CTNNA3: variants seen among roughly 807,000 people sequenced by gnomAD.
The protein encoded by CTNNA3 is catenin alpha 3.
CTNNA3 carries 76 observed loss-of-function variants against 95.7 expected under a neutral mutation model. The ratio of observed to expected loss-of-function variants is 0.79; its 90% CI spans 0.66 to 0.96. The LOEUF (loss-of-function observed/expected upper bound fraction) is 0.96. Ranked by LOEUF, CTNNA3 falls within the 40% of genes least tolerant of loss-of-function variation. The pLI is 0.00. For synonymous variants in CTNNA3, 431 were observed against 374.4 expected (o/e 1.15, Z -1.74); for missense variants, 1,191 against 1,089.8 (o/e 1.09, Z -1.31).
intron 5 of CTNNA3, among the ~76,000 whole-genome samples, chr10:67,298,511 T>C (rs550402315): frequency 4.5e-4 from 68 of 152,354 alleles, no homozygotes; most frequent in Admixed American, 2.2e-3. Context: ...AAAGTTACTA[T>C]AGTACTTGCT....
chr10:66,200,825 G>A (rs1170124212), intron 13 of CTNNA3, among the ~76,000 whole-genome samples: 2 of 152,096 alleles, frequency 1.3e-5, no homozygotes, highest in South Asian at 2.1e-4. Context: ...TTTGCTATAA[G>A]GCAAATTGCT....
intron 12 of CTNNA3, among the ~76,000 whole-genome samples, chr10:66,353,724 G>T (rs1173362548): frequency 6.6e-6 from 1 of 151,758 alleles, no homozygotes; most frequent in Non-Finnish European, 1.5e-5. Context: ...TTCAGGAGTT[G>T]ATGTAGAAAA....
intron 1 of CTNNA3, among the ~76,000 whole-genome samples, chr10:67,727,764 A>G (rs963541948): frequency 8.7e-5 from 11 of 126,302 alleles, no homozygotes; most frequent in Non-Finnish European, 1.4e-4. Context: ...ATTATATATT[A>G]TATATAATAT....
At chr10:67,501,666 T>G (rs1352967364) in intron 5 of CTNNA3, among the ~76,000 whole-genome samples, 1 of 152,196 alleles carries the variant, frequency 6.6e-6, no homozygotes. Flanking sequence ...TCATTCCTTT[T>G]CATTCTTTTT....
At position 66,995,672 on chromosome 10, in the gene CTNNA3, C is replaced by T. The variant is rs10997475; in HGVS notation, c.1047+184645G>A. On this transcript the variant is annotated intron_variant, in intron 7 of 17. Transcript: ENST00000433211. ...TCATCTGCTACCTATCCATGCCAGA[C>T]AACTAAGACTCAGACTCAGTCTCAC... Among the ~76,000 whole-genome samples the T allele has an allele frequency of 3.8e-3, 578 of 152,284 alleles. 29 individuals carry two copies. In the East Asian group the frequency reaches 0.091, roughly 24 times the overall value.
At chr10:67,498,058 A>G (rs1033804773) in intron 5 of CTNNA3, among the ~76,000 whole-genome samples, 1 of 152,164 alleles carries the variant, frequency 6.6e-6, no homozygotes, top group African/African-American at 2.4e-5. Context: ...TAGGGTTTCT[A>G]TGGTTTTAGG....
chr10:66,237,845 A>ATTATG (rs1489341946), intron 13 of CTNNA3, among the ~76,000 whole-genome samples: 2 of 152,166 alleles, frequency 1.3e-5, no homozygotes, highest in Non-Finnish European at 2.9e-5. Context: ...GATACTTGAC[A>ATTATG]TTATGGTACA....
At chr10:66,912,188 C>A (rs149573267) in intron 7 of CTNNA3, among the ~76,000 whole-genome samples, 167 of 152,194 alleles carry the variant, frequency 1.1e-3, no homozygotes, top group African/African-American at 3.9e-3. Context: ...ACCTCTACTT[C>A]CTAGAGTTGT....
intron 5 of CTNNA3, among the ~76,000 whole-genome samples, chr10:67,239,894 A>G (rs549391592): frequency 2.0e-5 from 3 of 152,194 alleles, no homozygotes; most frequent in South Asian, 2.1e-4. Flanking sequence ...AAATATAAAA[A>G]TAAGAAGAGA....
chr10:66,892,519 AC>A (rs1347552389), intron 7 of CTNNA3, among the ~76,000 whole-genome samples: 4 of 142,300 alleles, frequency 2.8e-5, no homozygotes, highest in Non-Finnish European at 4.7e-5. Context: ...GGACACTTTT[AC>A]AGGGGGCTTC....
At chr10:66,479,950 TCACACACACACACACACA>T (rs71466882) in intron 11 of CTNNA3, among the ~76,000 whole-genome samples, 1 of 145,364 alleles carries the variant, frequency 6.9e-6, no homozygotes, top group Admixed American at 6.8e-5. Context: ...ACCAAAGCAT[TCACACACACACACACACA>T]CACACACACA....
chr10:67,404,033 A>T lies in CTNNA3; in HGVS notation c.579+117809T>A, dbSNP rs1845035040. 2.0e-5 allele frequency among the ~76,000 whole-genome samples: 3 copies of T among 152,318 alleles called. No individual in the cohort carries two copies. The South Asian group carries it at 6.2e-4, about 32-fold the overall frequency. On this transcript the variant is annotated intron_variant, in intron 5 of 17. Coordinates refer to ENST00000433211, the MANE Select transcript of CTNNA3 (RefSeq NM_013266.4). ...GCAAAACAACAAGAACAACAACAAC[A>T]AAAACCCATCCAAAGGTCAACAACC...
intron 7 of CTNNA3, among the ~76,000 whole-genome samples, chr10:66,896,104 A>T (rs1233032022): frequency 2.6e-5 from 4 of 152,086 alleles, no homozygotes; most frequent in Non-Finnish European, 5.9e-5. Flanking sequence ...TCTCAAAAAA[A>T]TATAAAATAA....
chr10:65,939,693 A>T (rs912599997), intron 17 of CTNNA3, among the ~76,000 whole-genome samples: 1 of 152,162 alleles, frequency 6.6e-6, no homozygotes, highest in Non-Finnish European at 1.5e-5. Context: ...TCAATGAGCA[A>T]GAAAAACATT....
chr10:67,398,276 AGTGTACCCTAGAT>A (rs1844791717), intron 5 of CTNNA3, among the ~76,000 whole-genome samples: 1 of 152,242 alleles, frequency 6.6e-6, no homozygotes, highest in South Asian at 2.1e-4. Context: ...CTCTTGTGTC[AGTGTACCCTAGAT>A]GTGAGACATG....
At chr10:67,425,164 C>A (rs1336228282) in intron 5 of CTNNA3, among the ~76,000 whole-genome samples, 1 of 152,038 alleles carries the variant, frequency 6.6e-6, no homozygotes, top group East Asian at 1.9e-4. Flanking sequence ...TAAAAGATGT[C>A]TTAATTAACT....
At chr10:66,815,615 A>G (rs1589286727) in intron 7 of CTNNA3, among the ~76,000 whole-genome samples, 1 of 152,190 alleles carries the variant, frequency 6.6e-6, no homozygotes, top group African/African-American at 2.4e-5. Flanking sequence ...TCCCCTAGGT[A>G]TACCATCTTT....
intron 9 of CTNNA3, among the ~76,000 whole-genome samples, chr10:66,683,323 C>A (rs773767046): frequency 1.3e-5 from 2 of 152,078 alleles, no homozygotes; most frequent in Non-Finnish European, 2.9e-5. Flanking sequence ...AAATGTTCAC[C>A]TTTGAGGAAG....
At chr10:66,684,655 G>A (rs1847184524) in intron 9 of CTNNA3, among the ~76,000 whole-genome samples, 1 of 152,074 alleles carries the variant, frequency 6.6e-6, no homozygotes, top group Non-Finnish European at 1.5e-5. Context: ...AAAACTCTGT[G>A]AGTATATTAA....
Sources: gnomAD v4.1 joint callset for allele counts (sites outside exome capture counted in the v4.1 genomes callset) on GRCh38, gnomAD v4.1.1 for gene constraint, MANE v1.5 for transcripts, NCBI Gene and HGNC (gene_info 2026-07-23, HGNC 2026-07-21) for gene names.